The following ECT2L variants were observed in gnomAD, a reference collection of about 807,000 sequenced individuals.
ECT2L encodes the protein epithelial cell transforming 2 like.
Under a neutral mutation model 122.8 loss-of-function variants are expected in ECT2L, and 126 were observed. The ratio of observed to expected loss-of-function variants is 1.03; its 90% confidence interval spans 0.89 to 1.19. The LOEUF (loss-of-function observed/expected upper bound fraction) is 1.19. Ranked by LOEUF, ECT2L falls within the 50% of genes most tolerant of loss-of-function variation. The probability of loss-of-function intolerance (pLI) is 0.00; values close to 1 mark genes in which losing one functional copy is unlikely to be tolerated. For synonymous variants in ECT2L, 385 were observed against 381.8 expected (o/e 1.01, Z -0.10); for missense variants, 1,012 against 1,064.1 (o/e 0.95, Z 0.68).
At chr6:138,898,216 C>T (rs1448489143) in intron 20 of ECT2L, among the ~76,000 whole-genome samples, 1 of 152,190 alleles carries the variant, frequency 6.6e-6, no homozygotes, top group Non-Finnish European at 1.5e-5. Flanking sequence ...ATCCTTAGTT[C>T]TATTCATTCC....
intron 8 of ECT2L, among the ~76,000 whole-genome samples, chr6:138,848,897 C>G (rs1176154315): frequency 6.6e-6 from 1 of 152,122 alleles, no homozygotes; most frequent in Admixed American, 6.6e-5. Flanking sequence ...TCAAGTTATC[C>G]GTCAGCCTCG....
intron 9 of ECT2L, among the ~76,000 whole-genome samples, chr6:138,850,533 G>GC (rs1261091982): frequency 3.2e-5 from 1 of 31,118 alleles, no homozygotes; most frequent in Non-Finnish European, 4.9e-5. Flanking sequence ...TATATAGTAT[G>GC]TTTTATCTGT....
At chr6:138,837,462 C>G (rs1259434442) in intron 4 of ECT2L, among the ~76,000 whole-genome samples, 2 of 152,096 alleles carry the variant, frequency 1.3e-5, no homozygotes, top group African/African-American at 4.8e-5. Flanking sequence ...TCTTCTATAC[C>G]TGCTACACAT....
intron 10 of ECT2L, among the ~76,000 whole-genome samples, chr6:138,856,491 G>T (rs1333067826): frequency 6.6e-6 from 1 of 152,176 alleles, no homozygotes; most frequent in Non-Finnish European, 1.5e-5. Flanking sequence ...GGGATTACAG[G>T]CATGAGCCAC....
At chr6:138,835,425 C>T (rs754005921) in intron 4 of ECT2L, among the ~76,000 whole-genome samples, 2 of 151,836 alleles carry the variant, frequency 1.3e-5, no homozygotes, top group Non-Finnish European at 2.9e-5. Context: ...GTGGTGCATG[C>T]CTGGAGTCCC....
At chr6:138,842,263 G>C (rs1023721912) in intron 5 of ECT2L, among the ~76,000 whole-genome samples, 1 of 150,956 alleles carries the variant, frequency 6.6e-6, no homozygotes, top group African/African-American at 2.4e-5. Context: ...GTTCCAGACC[G>C]GCCTGGCCAA....
chr6:138,900,793 G>A (rs947844888), intron 20 of ECT2L, among the ~76,000 whole-genome samples, 155 bp from the exon 21 acceptor site: 1 of 152,156 alleles, frequency 6.6e-6, no homozygotes, highest in Non-Finnish European at 1.5e-5. Context: ...ATCACATCAG[G>A]AGGAATATTA....
intron 1 of ECT2L, among the ~76,000 whole-genome samples, chr6:138,806,298 T>C (rs890471734): frequency 4.6e-5 from 7 of 152,176 alleles, no homozygotes; most frequent in Non-Finnish European, 8.8e-5. Context: ...CTTAACAATT[T>C]TGTGGGCTTT....
chr6:138,801,027 G>C lies in ECT2L; in HGVS notation c.-244+4835G>C, dbSNP rs1775525386. On this transcript the variant is annotated intron_variant, in intron 1 of 21. Transcript: ENST00000541398. The stretch of plus-strand genomic sequence containing the variant: ...TGAATGCTGTGTGAAGCCTTGTAAG[G>C]GTCTGAATTCCAGTTCACAAGGGAA... 1.4e-4 allele frequency among the ~76,000 whole-genome samples: 21 copies of C among 152,188 alleles called. No homozygotes were observed. In the South Asian group the frequency reaches 4.2e-3, roughly 30 times the overall value.
At chr6:138,803,338 ACACAC>A (rs1181441524) in intron 1 of ECT2L, among the ~76,000 whole-genome samples, 4 of 151,966 alleles carry the variant, frequency 2.6e-5, no homozygotes, top group African/African-American at 9.7e-5. Flanking sequence ...ACACACACAC[ACACAC>A]AATATACTAT....
At chr6:138,864,042 C>T (rs1045865443) in intron 11 of ECT2L, among the ~76,000 whole-genome samples, 5 of 133,490 alleles carry the variant, frequency 3.7e-5, no homozygotes, top group Non-Finnish European at 6.1e-5. Context: ...ATGTTGTGGC[C>T]GGGCGCAGTG....
At chr6:138,808,724 CTTTTCT>C (rs1422329070) in intron 1 of ECT2L, among the ~76,000 whole-genome samples, 46 of 86,944 alleles carry the variant, frequency 5.3e-4, no homozygotes, top group South Asian at 1.8e-3. Context: ...TTTCCTTTCT[CTTTTCT>C]TTTTTTTTTT....
intron 4 of ECT2L, among the ~76,000 whole-genome samples, chr6:138,836,540 G>A (rs559286340): frequency 1.3e-5 from 2 of 151,916 alleles, no homozygotes; most frequent in African/African-American, 2.4e-5. Context: ...CACCCACCTC[G>A]GCCTCCCAAA....
intron 5 of ECT2L, among the ~76,000 whole-genome samples, chr6:138,840,417 T>A (rs760351881): frequency 2.6e-5 from 4 of 152,216 alleles, no homozygotes; most frequent in African/African-American, 7.2e-5. Flanking sequence ...TGTTCCTGCA[T>A]CTCTGAGTTT....
chr6:138,866,566 T>C (rs990920476), intron 12 of ECT2L, among the ~76,000 whole-genome samples: 3 of 152,122 alleles, frequency 2.0e-5, no homozygotes, highest in Non-Finnish European at 4.4e-5. Flanking sequence ...TTTGTATTTT[T>C]AGTAGAGACG....
intron 20 of ECT2L, among the ~76,000 whole-genome samples, chr6:138,900,084 T>G (rs1779348440): frequency 6.6e-6 from 1 of 152,198 alleles, no homozygotes; most frequent in Non-Finnish European, 1.5e-5. Flanking sequence ...AACTATTTAA[T>G]TTTTACCTTT....
chr6:138,902,117 G>A (rs1779416422), intron 21 of ECT2L, among the ~76,000 whole-genome samples: 1 of 152,124 alleles, frequency 6.6e-6, no homozygotes, highest in African/African-American at 2.4e-5. Context: ...TAAGTAGCTG[G>A]CTTGATTCTG....
At position 138,843,096 on chromosome 6, in the gene ECT2L, T is replaced by C; in HGVS notation, c.460T>C (p.Trp154Arg). The change falls in exon 6 of 22, where the codon TGG becomes CGG. Residue 154 changes from tryptophan (W) to arginine (R), a missense_variant. Coordinates refer to ENST00000541398, the MANE Select transcript of ECT2L (RefSeq NM_001077706.3). ...HYIACVSHLD[W>R]LTPREAAATY... ...CATTGCTTGTGTGTCCCACTTAGACTGGCTGACACCTAGGGAGGCTGCTGC... is the reference window on the plus strand; with the variant it reads ...CATTGCTTGTGTGTCCCACTTAGACCGGCTGACACCTAGGGAGGCTGCTGC... 2 of 1,614,134 alleles carry C rather than the reference T, an allele frequency of 1.2e-6. No individual in the cohort carries two copies. The highest frequency in any genetic ancestry group is 1.7e-6 in the Non-Finnish European group (2 of 1,179,988).
intron 20 of ECT2L, among the ~76,000 whole-genome samples, chr6:138,894,062 A>G (rs1779129774): frequency 2.0e-5 from 3 of 151,604 alleles, no homozygotes; most frequent in African/African-American, 7.3e-5. Context: ...TTTCTTTTTA[A>G]TTATTATTTT....
Sources: allele counts gnomAD v4.1 joint callset (sites outside exome capture counted in the v4.1 genomes callset), GRCh38; gene constraint gnomAD v4.1.1; transcripts MANE v1.5; gene names NCBI Gene and HGNC (gene_info 2026-07-23, HGNC 2026-07-21).